ZNF462: variants seen among roughly 807,000 people sequenced by gnomAD.
The protein encoded by ZNF462 is zinc finger protein 462.
ZNF462 carries 10 observed loss-of-function variants against 201.9 expected under a neutral mutation model. That is an observed-to-expected ratio of 0.05 (90% CI 0.03 to 0.08). ZNF462 has a LOEUF of 0.08. ZNF462 is among the 10% of genes least tolerant of loss of function. ZNF462 has a pLI of 1.00. For missense variants in ZNF462, 2,523 were observed against 3,168.3 expected (o/e 0.80, Z 4.89); for synonymous variants, 1,227 against 1,193.3 (o/e 1.03, Z -0.58).
In ZNF462 at chr9:106,930,813, G is replaced by A. The variant is rs2131532477; in HGVS notation, c.6012+124G>A. The stretch of plus-strand genomic sequence containing the variant: ...TGCGGGCATTCCTGAATTATGCTTG[G>A]ATTGGTTTGGCTTGTTTTGATTTCT... On this transcript the variant is annotated intron_variant, in intron 4 of 12. Coordinates refer to ENST00000277225, the MANE Select transcript of ZNF462 (RefSeq NM_021224.6). This position sits in a 1 kb window ranked among gnomAD's most constrained non-coding sequence, Gnocchi z 5.8. 8.1e-7 allele frequency: 1 copy of A among 1,232,030 alleles called. No homozygotes were observed. The highest frequency in any genetic ancestry group is 2.5e-5 in the East Asian group (1 of 39,498). The allele number at this position is 1,232,030 out of a possible 1,614,324, so 76.3% of individuals were successfully genotyped here. A position where few individuals can be genotyped will look rare whatever the true frequency, so the allele number is the denominator to read the frequency against.
chr9:106,894,778 T>C (rs978887076), intron 1 of ZNF462, among the ~76,000 whole-genome samples: 1 of 152,158 alleles, frequency 6.6e-6, no homozygotes, highest in African/African-American at 2.4e-5. Context: ...ATAAACTGAA[T>C]TTTGAAGCTT....
In ZNF462 at chr9:106,962,306, G is replaced by C. The variant is rs1034559230; in HGVS notation, c.6428-9699G>C. On this transcript the variant is annotated intron_variant, in intron 7 of 12. Transcript: ENST00000277225. This position sits in a 1 kb window ranked among gnomAD's most constrained non-coding sequence, Gnocchi z 4.6. ...TTTTGACTCATTGAATGTGTGGAAT[G>C]AAAGAGAGAAATGAATCAAGGATTT... Among the ~76,000 whole-genome samples the C allele has an allele frequency of 4.6e-5, 7 of 152,012 alleles. No individual in the cohort carries two copies. Among genetic ancestry groups the C allele is most frequent in the Admixed American group, 3.9e-4 (6 of 15,244 alleles).
intron 10 of ZNF462, among the ~76,000 whole-genome samples, chr9:106,999,030 A>G (rs935875219): frequency 6.6e-6 from 1 of 152,168 alleles, no homozygotes; most frequent in Non-Finnish European, 1.5e-5. Context: ...ATCTGCATAT[A>G]GGTTTCTAGT....
At chr9:106,896,598 G>T in intron 1 of ZNF462, among the ~76,000 whole-genome samples, 1 of 152,082 alleles carries the variant, frequency 6.6e-6, no homozygotes, top group Non-Finnish European at 1.5e-5. Flanking sequence ...TGTGTTTGGG[G>T]GATAGAAGGT....
chr9:106,925,030 C>A lies in ZNF462; in HGVS notation c.1118C>A (p.Ser373Tyr), dbSNP rs538816375. The A allele has an allele frequency of 1.2e-6, 2 of 1,614,194 alleles. No homozygotes were observed. Among genetic ancestry groups the A allele is most frequent in the African/African-American group, 1.3e-5 (1 of 75,044 alleles). ...TATGGAATGACTGACATGACCAATTCTTCTGCTGACCTGGAAACTAACAGC... is the reference window on the plus strand; with the variant it reads ...TATGGAATGACTGACATGACCAATTATTCTGCTGACCTGGAAACTAACAGC... ...SRYGMTDMTN[S>Y]SADLETNSML... Residue 373 changes from serine to tyrosine, a missense_variant, in exon 3 of 13, where the codon TCT becomes TAT. Physicochemically the swap from Ser to Tyr is moderately radical, Grantham distance 144. Coordinates refer to ENST00000277225, the MANE Select transcript of ZNF462 (RefSeq NM_021224.6). The surrounding 1 kb of genome is among the most constrained non-coding windows in gnomAD (Gnocchi z 7.9).
At chr9:106,888,041 A>ATT (rs11290404) in intron 1 of ZNF462, among the ~76,000 whole-genome samples, 27 of 136,198 alleles carry the variant, frequency 2.0e-4, no homozygotes, top group East Asian at 4.3e-4. Flanking sequence ...GTAAATGTGG[A>ATT]TTTTTTTTTT....
Position 106,970,831 on chromosome 9 carries a change from T to TC in ZNF462, c.6428-1173dup, listed in dbSNP as rs911675345. Among the ~76,000 whole-genome samples the TC allele has an allele frequency of 2.1e-5, 3 of 143,192 alleles. No individual in the cohort carries two copies. Among genetic ancestry groups the TC allele is most frequent in the South Asian group, 2.1e-4 (1 of 4,696 alleles). 93.9% of individuals were successfully genotyped at this position (143,192 alleles called of 152,430 possible). On this transcript the variant is annotated intron_variant, in intron 7 of 12. Coordinates refer to ENST00000277225, the MANE Select transcript of ZNF462 (RefSeq NM_021224.6). This position sits in a 1 kb window ranked among gnomAD's most constrained non-coding sequence, Gnocchi z 4.2. ...TTATTTATTTATTTTTACTTTTTTT[T>TC]CTCTTCTTTTTTTTTAATTCAAAGA...
intron 1 of ZNF462, among the ~76,000 whole-genome samples, chr9:106,896,490 A>G (rs10759207): frequency 0.34 from 51,267 of 152,034 alleles, 10,766 homozygotes; most frequent in African/African-American, 0.6. Context: ...TCTCGGTTGC[A>G]GGATGAGGTG....
At chr9:106,991,435 A>G (rs866867717) in intron 10 of ZNF462, among the ~76,000 whole-genome samples, 31 of 152,134 alleles carry the variant, frequency 2.0e-4, no homozygotes, top group Middle Eastern at 3.4e-3. Flanking sequence ...ATGTTTATTA[A>G]TTAGGAGACC....
At chr9:106,892,019 C>T (rs982198040) in intron 1 of ZNF462, among the ~76,000 whole-genome samples, 2 of 152,164 alleles carry the variant, frequency 1.3e-5, no homozygotes, top group Admixed American at 6.5e-5. Flanking sequence ...ATAACCTATG[C>T]AATCAACAAT....
intron 10 of ZNF462, among the ~76,000 whole-genome samples, chr9:107,002,340 G>C (rs1336656935): frequency 6.6e-6 from 1 of 152,080 alleles, no homozygotes; most frequent in East Asian, 1.9e-4. Flanking sequence ...CTCCAACAAG[G>C]GGAGCATAAC....
rs754981440 is a variant in ZNF462, at chr9:106,872,528, A to C, written c.-31+9173A>C. Among the ~76,000 whole-genome samples the C allele has an allele frequency of 3.3e-5, 5 of 151,932 alleles. No individual in the cohort carries two copies. Among genetic ancestry groups the C allele is most frequent in the African/African-American group, 1.2e-4 (5 of 41,356 alleles). ...CAGGCACAAGCCACCATGCCCAGCTAATTTCTTGTATTTTAGTAGAGACGG... is the reference window on the plus strand; with the variant it reads ...CAGGCACAAGCCACCATGCCCAGCTCATTTCTTGTATTTTAGTAGAGACGG... On this transcript the variant is annotated intron_variant, in intron 1 of 12. Transcript: ENST00000277225. The surrounding 1 kb of genome is among the most constrained non-coding windows in gnomAD (Gnocchi z 4.5).
chr9:106,991,600 A>G (rs1828274129), intron 10 of ZNF462, among the ~76,000 whole-genome samples: 1 of 151,942 alleles, frequency 6.6e-6, no homozygotes, highest in Admixed American at 6.6e-5. Context: ...TGGAGAAACA[A>G]CAAAATCAGA....
At chr9:106,952,040 TCTTTA>T (rs569777524) in intron 7 of ZNF462, among the ~76,000 whole-genome samples, 413 of 152,260 alleles carry the variant, frequency 2.7e-3, no homozygotes, top group African/African-American at 8.8e-3. Context: ...GTATAGATCA[TCTTTA>T]CTTAATGGTG....
At chr9:106,863,671 T>A (rs985161843) in intron 1 of ZNF462, among the ~76,000 whole-genome samples, 3 of 151,980 alleles carry the variant, frequency 2.0e-5, no homozygotes. Context: ...CTTTTCCTGC[T>A]GGCTGCTGCT....
At chr9:106,991,799 G>A (rs2132415541) in intron 10 of ZNF462, among the ~76,000 whole-genome samples, 1 of 149,692 alleles carries the variant, frequency 6.7e-6, no homozygotes, top group Non-Finnish European at 1.5e-5. Context: ...AATTAGATTT[G>A]TGTATGCAGA....
Position 106,913,499 on chromosome 9 carries a change from G to A in ZNF462, c.-30-9855G>A, listed in dbSNP as rs1829637003. ...TCTGAAGAGTGACTTATAGTAGCCT[G>A]GGGCCCTGTCACTTTGAAAGAAGAT... On this transcript the variant is annotated intron_variant, in intron 1 of 12. Coordinates refer to ENST00000277225, the MANE Select transcript of ZNF462 (RefSeq NM_021224.6). The surrounding 1 kb of genome is among the most constrained non-coding windows in gnomAD (Gnocchi z 4.1). Among the ~76,000 whole-genome samples, 1 of 152,156 alleles carries A rather than the reference G, an allele frequency of 6.6e-6. No homozygotes were observed. Among genetic ancestry groups the A allele is most frequent in the Admixed American group, 6.5e-5 (1 of 15,274 alleles).
At chr9:106,868,915 C>A (rs1193916598) in intron 1 of ZNF462, among the ~76,000 whole-genome samples, 1 of 152,096 alleles carries the variant, frequency 6.6e-6, no homozygotes, top group Non-Finnish European at 1.5e-5. Context: ...GTTGGGGAGC[C>A]CAGGGTTGAG....
At position 106,978,627 on chromosome 9, in the gene ZNF462, A is replaced by AATTAAGCCC. The variant is rs1235057707; in HGVS notation, c.6832+4354_6832+4355insATTAAGCCC. ...TAAGCCCTGAACTTCTCTTTCAAGGATGAAGTCAGTGGTAGGACTTTTGGT... is the reference window on the plus strand; with the variant it reads ...TAAGCCCTGAACTTCTCTTTCAAGGAATTAAGCCCTGAAGTCAGTGGTAGGACTTTTGGT... On this transcript the variant is annotated intron_variant, in intron 9 of 12. Transcript: ENST00000277225. The surrounding 1 kb of genome is among the most constrained non-coding windows in gnomAD (Gnocchi z 4.1). 3.3e-5 allele frequency: 5 copies of AATTAAGCCC among 151,936 alleles called. No individual in the cohort carries two copies. The highest frequency in any genetic ancestry group is 1.2e-4 in the African/African-American group (5 of 40,956). The allele number at this position is 151,936 out of a possible 1,614,324, so 9.4% of individuals were successfully genotyped here.
Sources: allele counts gnomAD v4.1 joint callset (sites outside exome capture counted in the v4.1 genomes callset), GRCh38; gene constraint gnomAD v4.1.1; non-coding constraint Gnocchi (gnomAD v3.1); transcripts MANE v1.5; gene names NCBI Gene and HGNC (gene_info 2026-07-23, HGNC 2026-07-21).